LY86: variants seen among roughly 807,000 people sequenced by gnomAD.
The protein encoded by LY86 is lymphocyte antigen 86.
A neutral mutation model predicts 17.3 loss-of-function variants in LY86; 20 were observed. The observed-to-expected ratio is 1.15, with a 90% CI of 0.81 to 1.68. The LOEUF (loss-of-function observed/expected upper bound fraction) is 1.68, where lower values mean the gene tolerates loss of function less well. Ranked by LOEUF, LY86 falls within the 40% of genes most tolerant of loss-of-function variation. LY86 has a pLI of 0.00. For synonymous variants in LY86, 74 were observed against 70.6 expected, an observed-to-expected ratio of 1.05 and a Z score of -0.24; for missense variants, 200 against 191.9, an observed-to-expected ratio of 1.04 and a Z score of -0.25.
intron 1 of LY86, among the ~76,000 whole-genome samples, chr6:6,614,437 C>T (rs1761497796): frequency 6.6e-6 from 1 of 150,812 alleles, no homozygotes; most frequent in South Asian, 2.1e-4. Context: ...CATTGCTCTC[C>T]GCCCGAGCAC....
At chr6:6,602,172 C>T (rs1760930734) in intron 1 of LY86, among the ~76,000 whole-genome samples, 1 of 152,224 alleles carries the variant, frequency 6.6e-6, no homozygotes, top group Non-Finnish European at 1.5e-5. Context: ...CACATGAGTC[C>T]TGAAGAATGC....
intron 3 of LY86, among the ~76,000 whole-genome samples, chr6:6,630,124 C>T (rs994047645): frequency 2.1e-4 from 32 of 152,158 alleles, no homozygotes; most frequent in Non-Finnish European, 1.9e-4. Flanking sequence ...ATCTCGCTTG[C>T]TTTTATGATA....
intron 1 of LY86, among the ~76,000 whole-genome samples, chr6:6,603,186 T>C (rs1349618505): frequency 6.6e-6 from 1 of 152,124 alleles, no homozygotes; most frequent in African/African-American, 2.4e-5. Context: ...GACCTGATGA[T>C]GTCCCAAAGC....
At chr6:6,594,541 G>T (rs1760640508) in intron 1 of LY86, among the ~76,000 whole-genome samples, 1 of 152,134 alleles carries the variant, frequency 6.6e-6, no homozygotes, top group Non-Finnish European at 1.5e-5. Flanking sequence ...TCTAGAAAAG[G>T]CTTGCCAATC....
At chr6:6,621,135 C>T (rs1761663242) in intron 1 of LY86, 1 of 152,232 alleles carries the variant, frequency 6.6e-6, no homozygotes, top group Admixed American at 6.5e-5. Context: ...TGAAAATGAA[C>T]AGTCTTCTAT....
intron 1 of LY86, among the ~76,000 whole-genome samples, chr6:6,611,726 C>CTATG (rs1347205016): frequency 6.6e-6 from 1 of 152,218 alleles, no homozygotes; most frequent in Non-Finnish European, 1.5e-5. Context: ...AAGTCAGGGG[C>CTATG]TATGCTTAAG....
At chr6:6,614,380 T>C (rs1482228838) in intron 1 of LY86, among the ~76,000 whole-genome samples, 1 of 90,378 alleles carries the variant, frequency 1.1e-5, no homozygotes, top group South Asian at 4.9e-4. Context: ...CACGTCTCTT[T>C]TTTTTTTTTT....
intron 1 of LY86, among the ~76,000 whole-genome samples, chr6:6,605,130 G>A (rs1011668410): frequency 1.3e-5 from 2 of 151,736 alleles, no homozygotes; most frequent in Admixed American, 1.3e-4. Flanking sequence ...GATATAAAAT[G>A]GAATGACAAG....
intron 1 of LY86, among the ~76,000 whole-genome samples, chr6:6,599,890 T>C (rs1431240736): frequency 6.6e-6 from 1 of 152,016 alleles, no homozygotes; most frequent in Non-Finnish European, 1.5e-5. Context: ...ATAAAAACCA[T>C]CACATGAAGC....
chr6:6,634,963 C>T (rs1368862300), intron 3 of LY86, among the ~76,000 whole-genome samples: 1 of 152,180 alleles, frequency 6.6e-6, no homozygotes, highest in African/African-American at 2.4e-5. Flanking sequence ...AACCACCTTC[C>T]CAGCAGGTGC....
intron 2 of LY86, 21 bp downstream of exon 2, chr6:6,625,033 G>A: frequency 8.6e-7 from 1 of 1,166,266 alleles, no homozygotes; most frequent in Non-Finnish European, 1.3e-6. Context: ...AAAATGATTA[G>A]CATGAAATAA....
chr6:6,646,911 C>T (rs998479292), intron 3 of LY86, among the ~76,000 whole-genome samples: 3 of 152,026 alleles, frequency 2.0e-5, no homozygotes, highest in Non-Finnish European at 2.9e-5. Context: ...AATTTATGGC[C>T]ACAAACCTCA....
chr6:6,597,048 T>C (rs567762436), intron 1 of LY86, among the ~76,000 whole-genome samples: 1 of 152,166 alleles, frequency 6.6e-6, no homozygotes, highest in East Asian at 1.9e-4. Flanking sequence ...TTTGGAGAGG[T>C]AGAAATGGGA....
intron 1 of LY86, among the ~76,000 whole-genome samples, chr6:6,602,221 G>A (rs540612048): frequency 1.1e-4 from 16 of 152,296 alleles, no homozygotes; most frequent in African/African-American, 3.9e-4. Flanking sequence ...GTTCAGTTTG[G>A]AATATTCTCA....
chr6:6,599,302 C>T (rs1760823561), intron 1 of LY86, among the ~76,000 whole-genome samples: 1 of 152,200 alleles, frequency 6.6e-6, no homozygotes, highest in Non-Finnish European at 1.5e-5. Context: ...AGTAGTCTTC[C>T]TATTTCTAGG....
chr6:6,591,648 T>C (rs768733485), intron 1 of LY86, among the ~76,000 whole-genome samples: 2 of 152,306 alleles, frequency 1.3e-5, no homozygotes, highest in South Asian at 4.1e-4. Context: ...CTAGTGAACT[T>C]TTCCAAGGCC....
intron 1 of LY86, among the ~76,000 whole-genome samples, chr6:6,609,060 A>G (rs1247110800): frequency 1.3e-5 from 2 of 152,216 alleles, no homozygotes; most frequent in East Asian, 3.8e-4. Context: ...TTGCTGGCAG[A>G]GAGACCAAGC....
chr6:6,630,025 G>A (rs1761875274), intron 3 of LY86, among the ~76,000 whole-genome samples: 1 of 152,216 alleles, frequency 6.6e-6, no homozygotes, highest in Non-Finnish European at 1.5e-5. Flanking sequence ...ATGTGTGTAA[G>A]TGTATACACA....
At chr6:6,624,837 C>A in intron 1 of LY86, 89 bp from the exon 2 acceptor site, 1 of 641,738 alleles carries the variant, frequency 1.6e-6, no homozygotes, top group Non-Finnish European at 2.8e-6. Flanking sequence ...TGTAGCAATT[C>A]ATGTGAAAAC....
Sources: gnomAD v4.1 joint callset for allele counts (sites outside exome capture counted in the v4.1 genomes callset) on GRCh38, gnomAD v4.1.1 for gene constraint, MANE v1.5 for transcripts, NCBI Gene and HGNC (gene_info 2026-07-23, HGNC 2026-07-21) for gene names.